The following WWOX variants were observed in gnomAD, a reference collection of about 807,000 sequenced individuals.
WWOX encodes WW domain containing oxidoreductase, also known as WW domain-containing oxidoreductase.
Under a neutral mutation model 46.2 loss-of-function variants are expected in WWOX, and 69 were observed. The observed-to-expected ratio is 1.49, with a 90% CI of 1.23 to 1.82. The LOEUF (loss-of-function observed/expected upper bound fraction) is 1.82, where lower values mean the gene tolerates loss of function less well. Ranked by LOEUF, WWOX falls within the 40% of genes most tolerant of loss-of-function variation. The pLI is 0.00. For synonymous variants in WWOX, 359 were observed against 202.6 expected (o/e 1.77, Z -6.56); for missense variants, 919 against 542.6 (o/e 1.69, Z -6.89).
chr16:78,948,568 C>T (rs1283691557), intron 8 of WWOX, among the ~76,000 whole-genome samples: 1 of 152,094 alleles, frequency 6.6e-6, no homozygotes, highest in African/African-American at 2.4e-5. Context: ...CTGCTTCATG[C>T]CTGCTGCCTC....
rs149151424 is a variant in WWOX, at chr16:78,736,068, G to C, written c.1056+303316G>C. On this transcript the variant is annotated intron_variant, in intron 8 of 8. Coordinates refer to ENST00000566780, the MANE Select transcript of WWOX (RefSeq NM_016373.4). ...GAGATGAAGACAGGGATTCGGCTTC[G>C]CTTGCTTTATCAAGGGAATGTTCTT... is the stretch of plus-strand genomic sequence containing the variant. Among the ~76,000 whole-genome samples, 367 of 152,280 alleles carry C rather than the reference G, an allele frequency of 2.4e-3. 3 individuals are homozygous for C. The highest frequency in any genetic ancestry group is 3.6e-3 in the Non-Finnish European group (243 of 68,038).
At chr16:78,322,442 G>T (rs552927470) in intron 5 of WWOX, among the ~76,000 whole-genome samples, 49 of 152,320 alleles carry the variant, frequency 3.2e-4, no homozygotes, top group African/African-American at 1.1e-3. Flanking sequence ...CAGGCCAAAG[G>T]TTTTCACGCT....
chr16:78,114,164 C>T (rs954844091), intron 3 of WWOX, among the ~76,000 whole-genome samples: 1 of 146,754 alleles, frequency 6.8e-6, no homozygotes, highest in African/African-American at 2.5e-5. Flanking sequence ...GTGGCACAAT[C>T]ATGGCTCACT....
intron 5 of WWOX, among the ~76,000 whole-genome samples, chr16:78,172,943 G>C (rs2035210807): frequency 6.6e-6 from 1 of 152,210 alleles, no homozygotes; most frequent in African/African-American, 2.4e-5. Flanking sequence ...ATATGCCTGA[G>C]ACTGTTTTTC....
intron 5 of WWOX, among the ~76,000 whole-genome samples, chr16:78,317,950 G>A (rs1356404487): frequency 6.6e-6 from 1 of 152,148 alleles, no homozygotes; most frequent in Non-Finnish European, 1.5e-5. Flanking sequence ...TTTTCAGCCT[G>A]GGTTTGAAAG....
rs979347891 is a variant in WWOX, at chr16:79,081,345, G to C, written c.1057-130263G>C. ...TGCCCAGCTAATTTTTATATTTTCA[G>C]TAGAGATGGGGTTTTGCCGTGTTGG... On this transcript the variant is annotated intron_variant, in intron 8 of 8. Coordinates refer to ENST00000566780, the MANE Select transcript of WWOX (RefSeq NM_016373.4). 6.6e-5 allele frequency among the ~76,000 whole-genome samples: 10 copies of C among 152,212 alleles called. No homozygotes were observed. The East Asian group carries it at 1.9e-3, about 29-fold the overall frequency.
At chr16:78,420,150 C>T (rs760826976) in intron 6 of WWOX, among the ~76,000 whole-genome samples, 2 of 152,048 alleles carry the variant, frequency 1.3e-5, no homozygotes, top group Non-Finnish European at 2.9e-5. Context: ...GATGAAAGTT[C>T]AAATACAGTC....
intron 8 of WWOX, among the ~76,000 whole-genome samples, chr16:79,106,992 G>C (rs1263903103): frequency 1.3e-5 from 2 of 151,892 alleles, no homozygotes; most frequent in African/African-American, 4.8e-5. Context: ...TGTATTGTTA[G>C]TAGAGTTGGG....
At chr16:78,427,505 C>T (rs962178454) in intron 7 of WWOX, among the ~76,000 whole-genome samples, 2 of 152,016 alleles carry the variant, frequency 1.3e-5, no homozygotes, top group African/African-American at 2.4e-5. Context: ...TTGCCCTCCC[C>T]CACCCCACAC....
At chr16:78,934,823 G>A (rs891908908) in intron 8 of WWOX, among the ~76,000 whole-genome samples, 4 of 152,156 alleles carry the variant, frequency 2.6e-5, no homozygotes, top group African/African-American at 9.7e-5. Context: ...AAGCAGACTG[G>A]GCATGGTGGC....
At chr16:78,467,858 C>A (rs997441947) in intron 8 of WWOX, among the ~76,000 whole-genome samples, 1 of 152,130 alleles carries the variant, frequency 6.6e-6, no homozygotes, top group Admixed American at 6.5e-5. Context: ...ATTTTAGGTG[C>A]CCTGTCTTCC....
chr16:78,763,493 G>T (rs1032807525), intron 8 of WWOX, among the ~76,000 whole-genome samples: 1 of 152,106 alleles, frequency 6.6e-6, no homozygotes, highest in Non-Finnish European at 1.5e-5. Context: ...GCACTTTTTG[G>T]GGGAGAGAAA....
At chr16:78,833,705 T>C (rs1053750868) in intron 8 of WWOX, among the ~76,000 whole-genome samples, 4 of 152,232 alleles carry the variant, frequency 2.6e-5, no homozygotes, top group African/African-American at 4.8e-5. Flanking sequence ...GTTGATTGAA[T>C]GCTGTTACCT....
At chr16:79,078,018 G>A (rs1250869065) in intron 8 of WWOX, 1 of 152,068 alleles carries the variant, frequency 6.6e-6, no homozygotes, top group Admixed American at 6.6e-5. Context: ...TTTTATCAAG[G>A]TTAGTGTGTG....
chr16:79,138,936 T>A (rs532629281), intron 8 of WWOX, among the ~76,000 whole-genome samples: 2 of 152,250 alleles, frequency 1.3e-5, no homozygotes, highest in Admixed American at 6.5e-5. Flanking sequence ...GGGTAAGGCT[T>A]ACAGGCAATC....
intron 5 of WWOX, among the ~76,000 whole-genome samples, chr16:78,352,546 C>G (rs2081206599): frequency 1.3e-5 from 2 of 152,200 alleles, no homozygotes; most frequent in African/African-American, 2.4e-5. Flanking sequence ...GTTCCTGGTT[C>G]TCTCTCTTCT....
intron 8 of WWOX, among the ~76,000 whole-genome samples, chr16:78,949,151 G>C (rs956376648): frequency 4.6e-5 from 7 of 152,182 alleles, no homozygotes; most frequent in African/African-American, 1.4e-4. Context: ...AACCTGAATA[G>C]GTTTGGCAGC....
At chr16:78,877,306 C>T (rs1076599) in intron 8 of WWOX, among the ~76,000 whole-genome samples, 13 of 151,280 alleles carry the variant, frequency 8.6e-5, no homozygotes, top group Admixed American at 2.6e-4. Flanking sequence ...CTGCCTCCCC[C>T]CTGTGAGCTT....
chr16:78,119,215 C>T (rs1398497009), intron 4 of WWOX: 3 of 152,180 alleles, frequency 2.0e-5, no homozygotes, highest in African/African-American at 7.2e-5. Flanking sequence ...AGCTTGTTGG[C>T]TCTGATTTGG....
Sources: gnomAD v4.1 joint callset for allele counts (sites outside exome capture counted in the v4.1 genomes callset) on GRCh38, gnomAD v4.1.1 for gene constraint, MANE v1.5 for transcripts, NCBI Gene and HGNC (gene_info 2026-07-23, HGNC 2026-07-21) for gene names.